PALS1: variants seen among roughly 807,000 people sequenced by gnomAD.
PALS1 encodes the protein protein PALS1.
A neutral mutation model predicts 78.9 loss-of-function variants in PALS1; 31 were observed. The ratio of observed to expected loss-of-function variants is 0.39; its 90% CI spans 0.30 to 0.53. PALS1 has a LOEUF of 0.53. Ranked by LOEUF, PALS1 falls within the 20% of genes least tolerant of loss-of-function variation. PALS1 has a pLI of 0.67. For synonymous variants in PALS1, 276 were observed against 270.9 expected, an observed-to-expected ratio of 1.02 and a Z score of -0.18; for missense variants, 704 against 826.5, an observed-to-expected ratio of 0.85 and a Z score of 1.82.
intron 1 of PALS1, among the ~76,000 whole-genome samples, chr14:67,248,841 A>C (rs2084023075): frequency 6.7e-6 from 1 of 150,280 alleles, no homozygotes; most frequent in African/African-American, 2.5e-5. Flanking sequence ...TTTTTTTGAG[A>C]TAGAGATGGG....
chr14:67,292,123 A>G (rs2084781388), intron 3 of PALS1, among the ~76,000 whole-genome samples: 1 of 152,202 alleles, frequency 6.6e-6, no homozygotes, highest in Non-Finnish European at 1.5e-5. Flanking sequence ...AAATATTTAA[A>G]AAGACTAGTG....
intron 1 of PALS1, among the ~76,000 whole-genome samples, chr14:67,248,584 T>G (rs1419418704): frequency 6.6e-6 from 1 of 152,164 alleles, no homozygotes; most frequent in Non-Finnish European, 1.5e-5. Context: ...CTCAAAGACG[T>G]TGAAATTTTG....
At chr14:67,259,674 G>T (rs1162000833) in intron 1 of PALS1, among the ~76,000 whole-genome samples, 1 of 151,952 alleles carries the variant, frequency 6.6e-6, no homozygotes, top group Non-Finnish European at 1.5e-5. Flanking sequence ...GCCCTGAGAG[G>T]CTGAGGCAGG....
At chr14:67,283,186 A>C (rs2140720823) in intron 3 of PALS1, among the ~76,000 whole-genome samples, 1 of 152,232 alleles carries the variant, frequency 6.6e-6, no homozygotes, top group South Asian at 2.1e-4. Flanking sequence ...GGGGAAGAAA[A>C]CCGGGATGAA....
chr14:67,252,939 A>C (rs1276210594), intron 1 of PALS1, among the ~76,000 whole-genome samples: 1 of 152,196 alleles, frequency 6.6e-6, no homozygotes, highest in East Asian at 1.9e-4. Context: ...ACACTTTCAC[A>C]TGTTCTTGAT....
At chr14:67,310,876 C>T (rs1315465033) in intron 8 of PALS1, among the ~76,000 whole-genome samples, 1 of 152,044 alleles carries the variant, frequency 6.6e-6, no homozygotes, top group African/African-American at 2.4e-5. Flanking sequence ...AGCATTTTTT[C>T]CAATTTCATA....
chr14:67,263,224 C>A (rs773452594), intron 1 of PALS1, among the ~76,000 whole-genome samples: 2 of 152,092 alleles, frequency 1.3e-5, no homozygotes, highest in Admixed American at 6.6e-5. Flanking sequence ...TATATAGGGA[C>A]CCTAATTTGT....
intron 1 of PALS1, among the ~76,000 whole-genome samples, chr14:67,268,067 A>G (rs1291388864): frequency 6.6e-6 from 1 of 152,140 alleles, no homozygotes; most frequent in South Asian, 2.1e-4. Flanking sequence ...ATTTTTACAG[A>G]TAAAAACATG....
intron 13 of PALS1, among the ~76,000 whole-genome samples, chr14:67,322,873 T>C (rs1200306046): frequency 1.3e-5 from 2 of 152,192 alleles, no homozygotes; most frequent in South Asian, 2.1e-4. Context: ...CAGTCATGCA[T>C]TGGTAATCAA....
At chr14:67,326,720 C>T (rs180790564) in intron 14 of PALS1, among the ~76,000 whole-genome samples, 245 of 152,276 alleles carry the variant, frequency 1.6e-3, no homozygotes, top group African/African-American at 5.6e-3. Flanking sequence ...TAAATAGAAG[C>T]ATGCCGTTTG....
At chr14:67,309,047 G>T (rs533328462) in intron 8 of PALS1, among the ~76,000 whole-genome samples, 1 of 152,064 alleles carries the variant, frequency 6.6e-6, no homozygotes, top group Admixed American at 6.6e-5. Context: ...AGATAATTGC[G>T]TCCAAACAGT....
Position 67,302,456 on chromosome 14 carries a change from T to C in PALS1, c.848T>C (p.Ile283Thr). ...ATGGACTCTGTCATCATTAGCCGGA[T>C]AGTAAAAGGGGGTGCTGCAGAGAAA... ...NEMDSVIISRIVKGGAAEKSG... is the reference protein window; with the variant it reads ...NEMDSVIISRTVKGGAAEKSG... Residue 283 changes from isoleucine (I) to threonine (T), a missense_variant, in exon 7 of 15, where the codon ATA becomes ACA. Ile to Thr is a moderately conservative substitution (Grantham distance 89). Transcript: ENST00000261681. The C allele has an allele frequency of 6.3e-7, 1 of 1,599,190 alleles. No individual in the cohort carries two copies. The highest frequency in any genetic ancestry group is 8.5e-7 in the Non-Finnish European group (1 of 1,172,444).
At chr14:67,291,396 C>T (rs2084771448) in intron 3 of PALS1, among the ~76,000 whole-genome samples, 1 of 152,020 alleles carries the variant, frequency 6.6e-6, no homozygotes, top group Non-Finnish European at 1.5e-5. Flanking sequence ...CAGGGTTCTC[C>T]TGCCTCGCCT....
At chr14:67,304,908 T>G (rs2084978417) in intron 8 of PALS1, among the ~76,000 whole-genome samples, 1 of 152,230 alleles carries the variant, frequency 6.6e-6, no homozygotes, top group East Asian at 1.9e-4. Flanking sequence ...AGAACACAGT[T>G]TCATTTTTCT....
At chr14:67,269,472 C>A (rs1051695978) in intron 1 of PALS1, among the ~76,000 whole-genome samples, 1 of 152,050 alleles carries the variant, frequency 6.6e-6, no homozygotes, top group Admixed American at 6.6e-5. Context: ...TGGAAAGTTT[C>A]CATTTGACAT....
In PALS1 at chr14:67,279,091, T is replaced by G; in HGVS notation, c.-80T>G. ...GTTTTTTTTTTTGAAGTAACATGGATTTTATACTACAGAATCAAGAGAATT... is the reference window on the plus strand; with the variant it reads ...GTTTTTTTTTTTGAAGTAACATGGAGTTTATACTACAGAATCAAGAGAATT... On this transcript the variant is annotated 5_prime_UTR_variant, in exon 3 of 15. Transcript: ENST00000261681. The G allele has an allele frequency of 7.5e-7, 1 of 1,332,948 alleles. No individual in the cohort carries two copies. The highest frequency in any genetic ancestry group is 9.9e-7 in the Non-Finnish European group (1 of 1,013,234). The allele number at this position is 1,332,948 out of a possible 1,614,324, so 82.6% of individuals were successfully genotyped here.
chr14:67,249,209 G>A (rs542453660), intron 1 of PALS1, among the ~76,000 whole-genome samples: 6 of 151,022 alleles, frequency 4.0e-5, no homozygotes, highest in Middle Eastern at 7.2e-3. Context: ...TGATTTGCAC[G>A]TCTCGGCCTC....
chr14:67,311,310 C>CA (rs1164347381), intron 8 of PALS1, among the ~76,000 whole-genome samples: 16,472 of 62,400 alleles, frequency 0.26, 2,377 homozygotes, highest in East Asian at 0.54. Context: ...GACTCCGTCT[C>CA]AAAAAAAAAA....
intron 13 of PALS1, 70 bp from the exon 14 acceptor site, chr14:67,323,632 A>C (rs2085303105): frequency 2.5e-6 from 1 of 392,646 alleles, no homozygotes; most frequent in East Asian, 6.0e-5. Flanking sequence ...ATATATATAT[A>C]TATATCAGTA....
Sources: gnomAD v4.1 joint callset for allele counts (sites outside exome capture counted in the v4.1 genomes callset) on GRCh38, gnomAD v4.1.1 for gene constraint, MANE v1.5 for transcripts, NCBI Gene and HGNC (gene_info 2026-07-23, HGNC 2026-07-21) for gene names.